LIMS1: variants seen among roughly 807,000 people sequenced by gnomAD.
The protein encoded by LIMS1 is LIM and senescent cell antigen-like-containing domain protein 1.
In LIMS1, 18 loss-of-function variants were observed where a neutral mutation model predicts 44.1. That is an observed-to-expected ratio of 0.41 (90% confidence interval 0.28 to 0.61). LIMS1 has a LOEUF of 0.61. Among genes scored for constraint, LIMS1 ranks in the 20% least tolerant of loss-of-function variants. The probability of loss-of-function intolerance (pLI) is 0.32; values close to 1 mark genes in which losing one functional copy is unlikely to be tolerated. For synonymous variants in LIMS1, 93 were observed against 149.1 expected (o/e 0.62, Z 2.74); for missense variants, 201 against 422.0 (o/e 0.48, Z 4.59).
rs201726578 is a variant in LIMS1, at chr2:108,593,734, G to A, written c.32+59140G>A. Among the ~76,000 whole-genome samples, 9 of 152,290 alleles carry A rather than the reference G, an allele frequency of 5.9e-5. No homozygotes were observed. The East Asian group carries it at 9.6e-4, about 16-fold the overall frequency. ...AACAGCTGGGAAGAAATCATAAAGTGAATTTTCCACAGATAAACCAGCCAG... is the reference window on the plus strand; with the variant it reads ...AACAGCTGGGAAGAAATCATAAAGTAAATTTTCCACAGATAAACCAGCCAG... On this transcript the variant is annotated intron_variant, in intron 1 of 9. Coordinates refer to ENST00000544547, the Ensembl canonical transcript of LIMS1.
At chr2:108,567,225 A>G (rs1357516778) in intron 1 of LIMS1, among the ~76,000 whole-genome samples, 1 of 152,112 alleles carries the variant, frequency 6.6e-6, no homozygotes, top group Non-Finnish European at 1.5e-5. Flanking sequence ...TTCTCCTGGT[A>G]CTACAGTTTC....
chr2:108,678,237 C>T (rs2433839), intron 8 of LIMS1, among the ~76,000 whole-genome samples: 2 of 152,208 alleles, frequency 1.3e-5, no homozygotes, highest in Non-Finnish European at 2.9e-5. Context: ...ACACTACTTT[C>T]GGCCACTGCT....
chr2:108,661,651 C>T (rs1291189520), intron 2 of LIMS1, among the ~76,000 whole-genome samples: 5 of 152,150 alleles, frequency 3.3e-5, no homozygotes, highest in Admixed American at 3.3e-4. Context: ...TCCCTAGGTG[C>T]TGCGGCAGCA....
chr2:108,670,992 G>A (rs532811218), intron 3 of LIMS1, 145 bp downstream of exon 3: 113 of 1,109,512 alleles, frequency 1.0e-4, no homozygotes, highest in Non-Finnish European at 1.4e-4. Context: ...CCAACGTAGG[G>A]AAACCCCGTC....
intron 1 of LIMS1, among the ~76,000 whole-genome samples, chr2:108,606,644 C>T (rs1176373782): frequency 1.3e-5 from 2 of 152,190 alleles, no homozygotes; most frequent in South Asian, 2.1e-4. Flanking sequence ...GAGCAACCAA[C>T]GTATAAACAA....
intron 1 of LIMS1, among the ~76,000 whole-genome samples, chr2:108,631,550 C>CTTTTTTTTTT (rs67517304): frequency 7.0e-6 from 1 of 143,068 alleles, no homozygotes; most frequent in African/African-American, 2.6e-5. Flanking sequence ...ACCGTGTTGC[C>CTTTTTTTTTT]TTTTTTTTTT....
intron 1 of LIMS1, among the ~76,000 whole-genome samples, chr2:108,597,228 T>G (rs534614332): frequency 6.6e-6 from 1 of 151,294 alleles, no homozygotes; most frequent in South Asian, 2.1e-4. Flanking sequence ...TAATTTGACC[T>G]TTTTTTTTAT....
intron 1 of LIMS1, among the ~76,000 whole-genome samples, chr2:108,539,421 T>A (rs1684248155): frequency 6.6e-6 from 1 of 152,170 alleles, no homozygotes; most frequent in African/African-American, 2.4e-5. Flanking sequence ...GTAGAGTTAG[T>A]ATGTGCATGA....
At chr2:108,679,810 G>A (rs1692830639) in intron 8 of LIMS1, among the ~76,000 whole-genome samples, 1 of 152,116 alleles carries the variant, frequency 6.6e-6, no homozygotes, top group South Asian at 2.1e-4. Flanking sequence ...AGCTACACAG[G>A]AGAACGAGAG....
chr2:108,633,715 A>C (rs887805328), intron 1 of LIMS1, among the ~76,000 whole-genome samples: 1 of 152,262 alleles, frequency 6.6e-6, no homozygotes, highest in Non-Finnish European at 1.5e-5. Context: ...ATACAAGTGC[A>C]TGTTTGCCAT....
At chr2:108,650,628 G>A (rs922671344) in intron 1 of LIMS1, among the ~76,000 whole-genome samples, 18 of 152,072 alleles carry the variant, frequency 1.2e-4, no homozygotes, top group Non-Finnish European at 2.2e-4. Context: ...ATGTTGGCCA[G>A]GCTCCTGGCC....
chr2:108,578,750 C>G (rs982443948), intron 1 of LIMS1, among the ~76,000 whole-genome samples: 8 of 151,896 alleles, frequency 5.3e-5, no homozygotes, highest in East Asian at 1.9e-4. Flanking sequence ...CCCACCACCA[C>G]GCCTGGCTAA....
chr2:108,664,549 TG>T (rs1691613896), intron 2 of LIMS1, among the ~76,000 whole-genome samples: 1 of 152,234 alleles, frequency 6.6e-6, no homozygotes, highest in Admixed American at 6.5e-5. Context: ...TAAATCAGTT[TG>T]GGGATGTAAT....
chr2:108,680,564 A>AAG (rs1692916084), intron 8 of LIMS1, 131 bp from the exon 9 acceptor site: 3 of 325,558 alleles, frequency 9.2e-6, no homozygotes, highest in African/African-American at 5.6e-5. Flanking sequence ...AAAAAAAAAA[A>AAG]GGTTCTTGAG....
intron 1 of LIMS1, among the ~76,000 whole-genome samples, chr2:108,597,693 C>CTTTTTT (rs10693112): frequency 8.3e-5 from 9 of 108,520 alleles, no homozygotes; most frequent in Admixed American, 2.1e-4. Context: ...AGCAAAAATG[C>CTTTTTT]TTTTTTTTTT....
chr2:108,621,552 A>C, intron 1 of LIMS1: 1 of 910,018 alleles, frequency 1.1e-6, no homozygotes. Context: ...CAGCGTTGGG[A>C]AGTACTCATT....
chr2:108,649,447 C>G (rs1690304932), intron 1 of LIMS1, among the ~76,000 whole-genome samples: 1 of 152,132 alleles, frequency 6.6e-6, no homozygotes, highest in African/African-American at 2.4e-5. Context: ...ACTAGAAATA[C>G]CATTTGACCC....
chr2:108,675,843 C>G (rs776727751), intron 5 of LIMS1, 35 bp from the exon 6 acceptor site: 7 of 1,613,736 alleles, frequency 4.3e-6, no homozygotes, highest in Non-Finnish European at 5.9e-6. Flanking sequence ...ACTTTTCTCT[C>G]TTAGTATTAA....
At chr2:108,551,927 ATATG>A (rs1384028238) in intron 1 of LIMS1, among the ~76,000 whole-genome samples, 125 of 106,002 alleles carry the variant, frequency 1.2e-3, no homozygotes, top group African/African-American at 3.9e-3. Flanking sequence ...ATATGTGTAT[ATATG>A]TGTGTGTGTG....
Sources: allele counts gnomAD v4.1 joint callset (sites outside exome capture counted in the v4.1 genomes callset), GRCh38; gene constraint gnomAD v4.1.1; transcripts MANE v1.5; gene names NCBI Gene and HGNC (gene_info 2026-07-23, HGNC 2026-07-21).